The following ANKRD6 variants were observed in gnomAD, a reference collection of about 807,000 sequenced individuals.
ANKRD6 encodes the protein ankyrin repeat domain 6.
Under a neutral mutation model 82.3 loss-of-function variants are expected in ANKRD6, and 56 were observed. That is an observed-to-expected ratio of 0.68 (90% CI 0.55 to 0.85). The LOEUF (loss-of-function observed/expected upper bound fraction) is 0.85, where lower values mean the gene tolerates loss of function less well. ANKRD6 is among the 40% of genes least tolerant of loss of function. ANKRD6 has a pLI of 0.00. For missense variants in ANKRD6, 852 were observed against 907.6 expected (o/e 0.94, Z 0.79); for synonymous variants, 347 against 352.1 (o/e 0.99, Z 0.16).
chr6:89,531,623 C>T (rs555218497), intron 1 of ANKRD6, among the ~76,000 whole-genome samples: 23 of 152,356 alleles, frequency 1.5e-4, no homozygotes, highest in South Asian at 8.3e-4. Context: ...ATTGGAGATC[C>T]GGTCTCTTGG....
chr6:89,441,381 GA>G (rs1323856191), intron 1 of ANKRD6, among the ~76,000 whole-genome samples: 2 of 152,220 alleles, frequency 1.3e-5, no homozygotes, highest in Non-Finnish European at 2.9e-5. Flanking sequence ...TGGAGCTCCT[GA>G]CCTCAAGTGA....
At chr6:89,543,117 G>A (rs750877422) in intron 1 of ANKRD6, among the ~76,000 whole-genome samples, 1 of 152,218 alleles carries the variant, frequency 6.6e-6, no homozygotes, top group Non-Finnish European at 1.5e-5. Context: ...GAAATGCAAG[G>A]AATGTCAGAC....
intron 1 of ANKRD6, among the ~76,000 whole-genome samples, chr6:89,551,803 A>G (rs960045430): frequency 1.3e-5 from 2 of 152,212 alleles, no homozygotes; most frequent in Admixed American, 6.5e-5. Context: ...TAATTTGCCT[A>G]TGATAATAAT....
At chr6:89,551,889 TG>T (rs1235318983) in intron 1 of ANKRD6, among the ~76,000 whole-genome samples, 1 of 152,230 alleles carries the variant, frequency 6.6e-6, no homozygotes. Context: ...GGGCTGATTC[TG>T]GGCATTAAAA....
At chr6:89,515,295 T>G (rs370701458) in intron 1 of ANKRD6, among the ~76,000 whole-genome samples, 3 of 152,338 alleles carry the variant, frequency 2.0e-5, no homozygotes, top group African/African-American at 7.2e-5. Flanking sequence ...TTCCCTAAAC[T>G]TCACAGCTGC....
intron 1 of ANKRD6, among the ~76,000 whole-genome samples, chr6:89,489,196 G>A (rs1777735522): frequency 6.6e-6 from 1 of 152,152 alleles, no homozygotes. Context: ...TTGGCTGCCT[G>A]GGGACTTGAA....
At chr6:89,602,899 C>T in intron 3 of ANKRD6, 130 bp from the exon 4 acceptor site, 2 of 684,142 alleles carry the variant, frequency 2.9e-6, no homozygotes, top group Non-Finnish European at 4.9e-6. Flanking sequence ...GTAACCAAGC[C>T]CTTCTGCGAA....
intron 2 of ANKRD6, among the ~76,000 whole-genome samples, chr6:89,573,446 G>C (rs1237721835): frequency 6.6e-6 from 1 of 151,924 alleles, no homozygotes; most frequent in Non-Finnish European, 1.5e-5. Context: ...TCTTTTCCTG[G>C]GGATATCCCC....
intron 1 of ANKRD6, among the ~76,000 whole-genome samples, chr6:89,564,678 A>G (rs1788089807): frequency 6.6e-6 from 1 of 152,190 alleles, no homozygotes; most frequent in Admixed American, 6.5e-5. Context: ...GGTTGCAGCA[A>G]AAAAAACCTC....
chr6:89,467,324 G>T (rs906888339), intron 1 of ANKRD6, among the ~76,000 whole-genome samples: 3 of 152,266 alleles, frequency 2.0e-5, no homozygotes, highest in Middle Eastern at 3.4e-3. Flanking sequence ...TTATAGATAT[G>T]CTGGGACATT....
chr6:89,614,182 A>G (rs959041483), intron 7 of ANKRD6, among the ~76,000 whole-genome samples: 1 of 152,204 alleles, frequency 6.6e-6, no homozygotes, highest in African/African-American at 2.4e-5. Flanking sequence ...TGTGATTTTA[A>G]AAAGAAAACC....
intron 1 of ANKRD6, among the ~76,000 whole-genome samples, chr6:89,552,557 A>G (rs1293278426): frequency 2.0e-5 from 3 of 152,246 alleles, no homozygotes; most frequent in Admixed American, 2.0e-4. Flanking sequence ...TAAGAGACAG[A>G]GGAAGGAGTA....
chr6:89,611,001 G>A (rs1800107708), intron 5 of ANKRD6, among the ~76,000 whole-genome samples: 1 of 152,014 alleles, frequency 6.6e-6, no homozygotes, highest in African/African-American at 2.4e-5. Context: ...TTCCCCAGGT[G>A]ATTCTAATGT....
intron 5 of ANKRD6, among the ~76,000 whole-genome samples, chr6:89,606,372 C>G (rs1010602799): frequency 3.9e-5 from 6 of 152,180 alleles, no homozygotes; most frequent in Admixed American, 1.3e-4. Flanking sequence ...CATGCGATTA[C>G]TGTCCCATAG....
chr6:89,612,209 G>T, intron 5 of ANKRD6, 63 bp from the exon 6 acceptor site: 1 of 1,438,518 alleles, frequency 7.0e-7, no homozygotes, highest in Non-Finnish European at 9.5e-7. Context: ...CCTCTGCAAG[G>T]CATGCAAGTC....
intron 1 of ANKRD6, among the ~76,000 whole-genome samples, chr6:89,453,752 TTTTATTTA>T (rs1018363386): frequency 1.3e-5 from 2 of 150,988 alleles, no homozygotes; most frequent in Non-Finnish European, 3.0e-5. Context: ...TTTTTGTATT[TTTTATTTA>T]TTTATTTATT....
chr6:89,500,498 AT>A (rs1034849331), intron 1 of ANKRD6, among the ~76,000 whole-genome samples: 1 of 152,208 alleles, frequency 6.6e-6, no homozygotes, highest in Non-Finnish European at 1.5e-5. Context: ...CATATGATAT[AT>A]TTTTTAATAA....
Position 89,520,682 on chromosome 6 carries a change from G to C in ANKRD6, c.-143-46152G>C, listed in dbSNP as rs771935448. ...AAACCCAGCCCTTCTTGTTTCATGT[G>C]AGCAATGGTGCGTGTTTTAAAAAGA... is the stretch of plus-strand genomic sequence containing the variant. On this transcript the variant is annotated intron_variant, in intron 1 of 15. Transcript: ENST00000339746. Among the ~76,000 whole-genome samples, 8 of 152,334 alleles carry C rather than the reference G, an allele frequency of 5.3e-5. No homozygotes were observed. In the East Asian group the frequency reaches 1.5e-3, roughly 29 times the overall value.
At chr6:89,523,159 A>C (rs1320047461) in intron 1 of ANKRD6, among the ~76,000 whole-genome samples, 1 of 152,244 alleles carries the variant, frequency 6.6e-6, no homozygotes. Flanking sequence ...TGTAGGCCTC[A>C]GAAAAGGGTG....
Sources: allele counts gnomAD v4.1 joint callset (sites outside exome capture counted in the v4.1 genomes callset), GRCh38; gene constraint gnomAD v4.1.1; transcripts MANE v1.5; gene names NCBI Gene and HGNC (gene_info 2026-07-23, HGNC 2026-07-21).